The following CLSTN2 variants were observed in gnomAD, a reference collection of about 807,000 sequenced individuals.
CLSTN2 encodes calsyntenin 2, also known as calsyntenin-2.
Under a neutral mutation model 101.2 loss-of-function variants are expected in CLSTN2, and 48 were observed. The observed-to-expected ratio is 0.47, with a 90% CI of 0.38 to 0.60. The LOEUF (loss-of-function observed/expected upper bound fraction) is 0.60, where lower values mean the gene tolerates loss of function less well. Among genes scored for constraint, CLSTN2 ranks in the 20% least tolerant of loss-of-function variants. The pLI, the probability that CLSTN2 is intolerant of heterozygous loss-of-function variation, is 0.00. For synonymous variants in CLSTN2, 481 were observed against 463.6 expected, an observed-to-expected ratio of 1.04 and a Z score of -0.48; for missense variants, 1,160 against 1,238.2, an observed-to-expected ratio of 0.94 and a Z score of 0.95.
At chr3:140,226,869 C>A (rs1296190001) in intron 2 of CLSTN2, among the ~76,000 whole-genome samples, 2 of 152,098 alleles carry the variant, frequency 1.3e-5, no homozygotes, top group Non-Finnish European at 2.9e-5. Context: ...ATTTTTAAAA[C>A]CATCAGATTT....
intron 1 of CLSTN2, among the ~76,000 whole-genome samples, chr3:139,984,300 C>A (rs1350856679): frequency 6.6e-6 from 1 of 152,230 alleles, no homozygotes; most frequent in East Asian, 1.9e-4. Flanking sequence ...GTCAGTATCC[C>A]TCATAAACAA....
chr3:140,265,481 G>A lies in CLSTN2; in HGVS notation c.232+89408G>A, dbSNP rs780245911. Among the ~76,000 whole-genome samples, 122 of 152,274 alleles carry A rather than the reference G, an allele frequency of 8.0e-4. 1 individual carries two copies. Among genetic ancestry groups the A allele is most frequent in the African/African-American group, 2.7e-3 (112 of 41,558 alleles). ...TCAGAGTTCTAAACCACAGCTGTAC[G>A]TGGGCTGTCAGAGGCCCCATGAGGC... On this transcript the variant is annotated intron_variant, in intron 2 of 16. Transcript: ENST00000458420.
chr3:140,375,718 G>C (rs571397798), intron 2 of CLSTN2, among the ~76,000 whole-genome samples: 1 of 151,902 alleles, frequency 6.6e-6, no homozygotes, highest in Admixed American at 6.6e-5. Context: ...TTTTTATCTT[G>C]CTCATTTTTA....
At chr3:140,326,364 T>C (rs536489948) in intron 2 of CLSTN2, among the ~76,000 whole-genome samples, 12 of 152,200 alleles carry the variant, frequency 7.9e-5, no homozygotes, top group Non-Finnish European at 1.8e-4. Context: ...GGCAAGTTCT[T>C]CAAAGCTCTT....
chr3:140,015,068 T>TC lies in CLSTN2; in HGVS notation c.109+79590dup, dbSNP rs368950383. ...AGCGTGAGCCTCTTATTCACATCCA[T>TC]CCCCCTTGCTCCGTGAGTCCCATAG... On this transcript the variant is annotated intron_variant, in intron 1 of 16. Coordinates refer to ENST00000458420, the MANE Select transcript of CLSTN2 (RefSeq NM_022131.3). 2.4e-3 allele frequency among the ~76,000 whole-genome samples: 371 copies of TC among 152,230 alleles called. 3 individuals are homozygous for TC. The highest frequency in any genetic ancestry group is 8.7e-3 in the African/African-American group (360 of 41,532).
intron 2 of CLSTN2, among the ~76,000 whole-genome samples, chr3:140,228,407 A>G (rs1448348105): frequency 1.3e-5 from 2 of 152,152 alleles, no homozygotes; most frequent in African/African-American, 2.4e-5. Context: ...TATATTCCAT[A>G]TCACTATTAA....
At chr3:140,037,727 G>A (rs1034599410) in intron 1 of CLSTN2, among the ~76,000 whole-genome samples, 1 of 152,006 alleles carries the variant, frequency 6.6e-6, no homozygotes, top group East Asian at 1.9e-4. Context: ...GCCTCAATGT[G>A]TGTTGTTCCC....
chr3:140,543,847 T>C (rs1392723014), intron 9 of CLSTN2, among the ~76,000 whole-genome samples: 1 of 152,268 alleles, frequency 6.6e-6, no homozygotes, highest in Non-Finnish European at 1.5e-5. Context: ...TGATTCTTCC[T>C]GGATCAATTC....
chr3:139,973,008 T>C (rs1170378401), intron 1 of CLSTN2, among the ~76,000 whole-genome samples: 2 of 152,240 alleles, frequency 1.3e-5, no homozygotes, highest in Non-Finnish European at 2.9e-5. Flanking sequence ...TACAGTTTCA[T>C]TTATGGATGA....
chr3:140,074,353 G>A (rs1234918345), intron 1 of CLSTN2, among the ~76,000 whole-genome samples: 1 of 152,116 alleles, frequency 6.6e-6, no homozygotes, highest in East Asian at 1.9e-4. Context: ...TGGCCGGGGT[G>A]TTGACTGGAG....
chr3:139,952,460 T>C (rs1935310839), intron 1 of CLSTN2, among the ~76,000 whole-genome samples: 2 of 31,578 alleles, frequency 6.3e-5, no homozygotes, highest in African/African-American at 9.6e-5. Flanking sequence ...CTTTGGTTTT[T>C]TGCCCCTACA....
chr3:140,577,131 T>C lies in CLSTN2; in HGVS notation c.*10878T>C, dbSNP rs977112140. The C allele has an allele frequency of 5.9e-5, 9 of 152,170 alleles. No homozygotes were observed. The highest frequency in any genetic ancestry group is 1.4e-4 in the African/African-American group (6 of 41,438). The allele number at this position is 152,170 out of a possible 1,614,324, so 9.4% of individuals were successfully genotyped here. On this transcript the variant is annotated 3_prime_UTR_variant, in exon 17 of 17. Transcript: ENST00000458420. The stretch of plus-strand genomic sequence containing the variant: ...GAGAGTCTCTATGTATATAAAGATA[T>C]AGGAAGAAAATAAGGATCATCACAG...
intron 1 of CLSTN2, among the ~76,000 whole-genome samples, chr3:139,983,525 T>C (rs2107824875): frequency 6.6e-6 from 1 of 152,318 alleles, no homozygotes; most frequent in Non-Finnish European, 1.5e-5. Context: ...AATGCTGTTA[T>C]GTTATGAACT....
At chr3:140,170,227 A>G (rs2010191221) in intron 1 of CLSTN2, among the ~76,000 whole-genome samples, 1 of 152,194 alleles carries the variant, frequency 6.6e-6, no homozygotes, top group African/African-American at 2.4e-5. Context: ...ACTAAAAAGA[A>G]TAAGTAATTA....
intron 6 of CLSTN2, among the ~76,000 whole-genome samples, chr3:140,457,569 T>C (rs897860368): frequency 2.6e-5 from 4 of 152,228 alleles, no homozygotes; most frequent in African/African-American, 9.7e-5. Context: ...TTATTGGCAA[T>C]TAAAACATTT....
rs560968856 is a variant in CLSTN2, at chr3:140,472,309, G to A, written c.1344+5578G>A. Among the ~76,000 whole-genome samples the A allele has an allele frequency of 3.6e-4, 55 of 152,284 alleles. No individual in the cohort carries two copies. The South Asian group carries it at 0.011, about 31-fold the overall frequency. ...CATTCTACTTGCATAGAATTCTAAA[G>A]CTCCTGGAAGGATCTAAAAGTGAAT... On this transcript the variant is annotated intron_variant, in intron 8 of 16. Transcript: ENST00000458420.
rs1431246722 is a variant in CLSTN2 at position 140,064,971 on chromosome 3, G to GCT, written c.110-110980_110-110979insCT. On this transcript the variant is annotated intron_variant, in intron 1 of 16. Coordinates refer to ENST00000458420, the MANE Select transcript of CLSTN2 (RefSeq NM_022131.3). The stretch of plus-strand genomic sequence containing the variant: ...GATAATACATATAGATCTCAGCTAA[G>GCT]ATATTGGAAAATCTCTGAAATGTAT... Among the ~76,000 whole-genome samples, 420 of 152,322 alleles carry GCT rather than the reference G, an allele frequency of 2.8e-3. 1 individual carries two copies. Among genetic ancestry groups the GCT allele is most frequent in the African/African-American group, 9.7e-3 (403 of 41,586 alleles).
At chr3:140,365,121 G>A (rs925814695) in intron 2 of CLSTN2, among the ~76,000 whole-genome samples, 6 of 152,170 alleles carry the variant, frequency 3.9e-5, no homozygotes, top group Non-Finnish European at 7.3e-5. Context: ...AGAAAAGGGA[G>A]CATCCCAAAC....
At position 140,205,618 on chromosome 3, in the gene CLSTN2, G is replaced by GCACCC. The variant is rs1553721844; in HGVS notation, c.232+29546_232+29547insACCCC. Among the ~76,000 whole-genome samples, 5 of 67,172 alleles carry GCACCC rather than the reference G, an allele frequency of 7.4e-5. 1 individual carries two copies. Among genetic ancestry groups the GCACCC allele is most frequent in the Non-Finnish European group, 1.5e-4 (4 of 27,136 alleles). 44.1% of individuals were successfully genotyped at this position (67,172 alleles called of 152,430 possible). On this transcript the variant is annotated intron_variant, in intron 2 of 16. Coordinates refer to ENST00000458420, the MANE Select transcript of CLSTN2 (RefSeq NM_022131.3). ...TACAGTTGTTGTTTGGACCTGACCC[G>GCACCC]CCCCCCACCCACACACACACACAGC...
Sources: allele counts gnomAD v4.1 joint callset (sites outside exome capture counted in the v4.1 genomes callset), GRCh38; gene constraint gnomAD v4.1.1; transcripts MANE v1.5; gene names NCBI Gene and HGNC (gene_info 2026-07-23, HGNC 2026-07-21).